ST13: variants seen among roughly 807,000 people sequenced by gnomAD.
ST13 encodes ST13 Hsp70 interacting protein, also known as hsc70-interacting protein.
In ST13, 23 loss-of-function variants were observed where a neutral mutation model predicts 56.7. That is an observed-to-expected ratio of 0.41 (90% CI 0.29 to 0.57). ST13 has a LOEUF of 0.57. Among genes scored for constraint, ST13 ranks in the 20% least tolerant of loss-of-function variants. ST13 has a pLI of 0.36. For synonymous variants in ST13, 132 were observed against 142.4 expected, an observed-to-expected ratio of 0.93 and a Z score of 0.52; for missense variants, 369 against 459.9, an observed-to-expected ratio of 0.80 and a Z score of 1.81.
Position 40,850,893 on chromosome 22 carries a change from G to A in ST13, c.111-13C>T, listed in dbSNP as rs1478173215. ...TTTACCACCCATGCTTGAAGAAGAT[G>A]AGAAAAAAGATATTTGTTTAGAAAA... On this transcript the variant is annotated splice_polypyrimidine_tract_variant and intron_variant, in intron 1 of 11. Transcript: ENST00000216218. The A allele has an allele frequency of 8.2e-6, 13 of 1,576,504 alleles. No individual in the cohort carries two copies. Among genetic ancestry groups the A allele is most frequent in the Non-Finnish European group, 1.1e-5 (13 of 1,164,246 alleles).
At chr22:40,827,021 C>T in intron 11 of ST13, 75 bp downstream of exon 11, 1 of 1,504,140 alleles carries the variant, frequency 6.6e-7, no homozygotes, top group Non-Finnish European at 9.0e-7. Flanking sequence ...ATGAGAGTAA[C>T]CTTTGTCTCC....
At chr22:40,828,847 A>G (rs2057741094) in intron 10 of ST13, among the ~76,000 whole-genome samples, 2 of 152,182 alleles carry the variant, frequency 1.3e-5, no homozygotes, top group Admixed American at 6.5e-5. Context: ...CAAAGCTTTG[A>G]AAAATTAGTG....
rs1222957456 is a variant in ST13, at chr22:40,856,624, G to C, written c.-84C>G. ...TGGCTCGGCGTGACCGCGCAGAAGG[G>C]GGCGGCTGCCGCAAGACAGAACAGA... is the stretch of plus-strand genomic sequence containing the variant. On this transcript the variant is annotated 5_prime_UTR_variant, in exon 1 of 12. Coordinates refer to ENST00000216218, the MANE Select transcript of ST13 (RefSeq NM_003932.5). The C allele has an allele frequency of 7.2e-6, 8 of 1,112,298 alleles. No homozygotes were observed. The highest frequency in any genetic ancestry group is 4.6e-5 in the African/African-American group (3 of 65,322). The allele number at this position is 1,112,298 out of a possible 1,614,324, so 68.9% of individuals were successfully genotyped here. A position where few individuals can be genotyped will look rare whatever the true frequency, so the allele number is the denominator to read the frequency against.
Position 40,850,841 on chromosome 22 carries a change from T to C in ST13, c.150A>G (p.Lys50=), listed in dbSNP as rs2145750643. The C allele has an allele frequency of 1.2e-6, 2 of 1,605,804 alleles. No homozygotes were observed. The highest frequency in any genetic ancestry group is 1.7e-6 in the Non-Finnish European group (2 of 1,176,896). ...AACTTACCTTGGTATTTTCTTCTGA[T>C]TTAGCTTTCTGAGTAGCAGGTGGTA... ...GKVPPATQKA[K]SEENTKEEKP... Residue 50 remains lysine, a synonymous_variant, in exon 2 of 12, where the codon AAA becomes AAG. Coordinates refer to ENST00000216218, the MANE Select transcript of ST13 (RefSeq NM_003932.5).
chr22:40,835,231 C>T (rs148701810), intron 7 of ST13, among the ~76,000 whole-genome samples: 89 of 152,208 alleles, frequency 5.8e-4, no homozygotes, highest in African/African-American at 2.0e-3. Context: ...TCTTTCTTTT[C>T]CTGGAATTAA....
chr22:40,843,242 A>G lies in ST13; in HGVS notation c.315+1597T>C, dbSNP rs1229932986. ...TAGTTTATCTCAATGGTGAGGAGAT[A>G]TATCTTTTCCCGAACTTGATTTAGA... On this transcript the variant is annotated intron_variant, in intron 4 of 11. Transcript: ENST00000216218. Among the ~76,000 whole-genome samples the G allele has an allele frequency of 4.6e-5, 7 of 152,354 alleles. No homozygotes were observed. In the South Asian group the frequency reaches 8.3e-4, roughly 18 times the overall value.
chr22:40,827,144 A>G lies in ST13; in HGVS notation c.933T>C (p.Pro311=), dbSNP rs1453904018. The G allele has an allele frequency of 3.1e-6, 5 of 1,612,272 alleles. No individual in the cohort carries two copies. The highest frequency in any genetic ancestry group is 4.5e-5 in the East Asian group (2 of 44,900). ...GATCACTAAGAATTTCATTGAGTCC[A>G]GGCATTCCAGCCATTCCAGGCATGC... is the stretch of plus-strand genomic sequence containing the variant. The part of the protein sequence containing the change: ...GGGMPGMAGM[P]GLNEILSDPE... The change falls in exon 11 of 12, where the codon CCT becomes CCC. Residue 311 remains proline (P), a synonymous_variant. Coordinates refer to ENST00000216218, the MANE Select transcript of ST13 (RefSeq NM_003932.5).
At chr22:40,854,421 A>G (rs2057877943) in intron 1 of ST13, 1 of 152,250 alleles carries the variant, frequency 6.6e-6, no homozygotes, top group Admixed American at 6.5e-5. Context: ...CAGGATGGCT[A>G]AAGAATGTAA....
At position 40,831,335 on chromosome 22, in the gene ST13, C is replaced by T. The variant is rs562276822; in HGVS notation, c.682-379G>A. Among the ~76,000 whole-genome samples the T allele has an allele frequency of 7.9e-5, 12 of 152,212 alleles. No individual in the cohort carries two copies. In the South Asian group the frequency reaches 1.7e-3, roughly 21 times the overall value. On this transcript the variant is annotated intron_variant, in intron 8 of 11. Transcript: ENST00000216218. ...GAAGAGTATTATTACGGATGTCTGC[C>T]GTGGGAAGGCAGAGACTGGGAACTC...
Position 40,830,965 on chromosome 22 carries a change from A to C in ST13, c.682-9T>G, listed in dbSNP as rs2057751241. 6.3e-7 allele frequency: 1 copy of C among 1,578,812 alleles called. No homozygotes were observed. Among genetic ancestry groups the C allele is most frequent in the South Asian group, 1.1e-5 (1 of 90,044 alleles). On this transcript the variant is annotated splice_polypyrimidine_tract_variant and intron_variant, in intron 8 of 11. Transcript: ENST00000216218. ...TCTGCAATTTTCTGTGCCTAGAAAA[A>C]AGAGCCATAGCAAAATAAGCTTGCT...
chr22:40,849,479 CAAAAAAA>C (rs57060131), intron 2 of ST13, among the ~76,000 whole-genome samples: 22 of 55,106 alleles, frequency 4.0e-4, no homozygotes, highest in South Asian at 1.6e-3. Context: ...GACTCTGTCT[CAAAAAAA>C]AAAAAAAAAA....
At chr22:40,836,351 TGAG>T (rs2057777298) in intron 5 of ST13, among the ~76,000 whole-genome samples, 1 of 152,040 alleles carries the variant, frequency 6.6e-6, no homozygotes. Flanking sequence ...CTTGGGAGGC[TGAG>T]GAGTGGCGCG....
At chr22:40,843,165 T>C (rs2057812778) in intron 4 of ST13, among the ~76,000 whole-genome samples, 1 of 152,170 alleles carries the variant, frequency 6.6e-6, no homozygotes, top group African/African-American at 2.4e-5. Context: ...TAGTAAGTTA[T>C]TAAAATATTT....
chr22:40,848,871 GT>G (rs924011682), intron 2 of ST13, among the ~76,000 whole-genome samples: 1 of 152,136 alleles, frequency 6.6e-6, no homozygotes, highest in African/African-American at 2.4e-5. Context: ...CTTTACAAGG[GT>G]TTTTGAGTTT....
At chr22:40,840,821 C>G in intron 4 of ST13, 129 bp from the exon 5 acceptor site, 1 of 698,632 alleles carries the variant, frequency 1.4e-6, no homozygotes, top group Non-Finnish European at 2.4e-6. Flanking sequence ...CTCCAGAGAA[C>G]AAAGAGACAA....
rs778082090 is a variant in ST13 at position 40,835,632 on chromosome 22, C to T, written c.506G>A (p.Arg169Gln). The T allele has an allele frequency of 2.1e-5, 34 of 1,613,672 alleles. No homozygotes were observed. Among genetic ancestry groups the T allele is most frequent in the Non-Finnish European group, 2.8e-5 (33 of 1,180,012 alleles). Residue 169 changes from arginine to glutamine, a missense_variant, in exon 7 of 12, where the codon CGA becomes CAA. Physicochemically the swap from Arg to Gln is conservative, Grantham distance 43. Coordinates refer to ENST00000216218, the MANE Select transcript of ST13 (RefSeq NM_003932.5). Reference sequence around the variant, plus strand: ...TATTTCAATGGCTCTGTCACAGTCTCGGATGGCAGCATTTGGCTTCTGTAA... The same window carrying T: ...TATTTCAATGGCTCTGTCACAGTCTTGGATGGCAGCATTTGGCTTCTGTAA... Reference protein sequence around the residue: ...VKLQKPNAAIRDCDRAIEINP... With the variant: ...VKLQKPNAAIQDCDRAIEINP...
At chr22:40,838,415 A>G (rs1479392393) in intron 5 of ST13, among the ~76,000 whole-genome samples, 1 of 152,198 alleles carries the variant, frequency 6.6e-6, no homozygotes, top group Admixed American at 6.5e-5. Flanking sequence ...AAACAAAAAC[A>G]TGATTAGGTG....
intron 7 of ST13, among the ~76,000 whole-genome samples, chr22:40,834,702 A>C (rs2057769446): frequency 6.6e-6 from 1 of 152,256 alleles, no homozygotes; most frequent in Non-Finnish European, 1.5e-5. Context: ...GAGACAAGCA[A>C]AGCACAAGAT....
chr22:40,835,699 A>G (rs756134681), intron 6 of ST13, 29 bp from the exon 7 acceptor site: 3 of 1,604,194 alleles, frequency 1.9e-6, no homozygotes, highest in Non-Finnish European at 1.7e-6. Context: ...ATTAAAAAGT[A>G]TTCATTTCAG....
Sources: gnomAD v4.1 joint callset for allele counts (sites outside exome capture counted in the v4.1 genomes callset) on GRCh38, gnomAD v4.1.1 for gene constraint, MANE v1.5 for transcripts, NCBI Gene and HGNC (gene_info 2026-07-23, HGNC 2026-07-21) for gene names.